NSD1: variants seen among roughly 807,000 people sequenced by gnomAD.
NSD1 encodes histone-lysine N-methyltransferase, H3 lysine-36 specific.
NSD1 carries 26 observed loss-of-function variants against 242.7 expected under a neutral mutation model. That is an observed-to-expected ratio of 0.11 (90% CI 0.08 to 0.15). The LOEUF (loss-of-function observed/expected upper bound fraction) is 0.15, where lower values mean the gene tolerates loss of function less well. Among genes scored for constraint, NSD1 ranks in the 10% least tolerant of loss-of-function variants. NSD1 has a pLI of 1.00. For synonymous variants in NSD1, 1,106 were observed against 1,178.1 expected (o/e 0.94, Z 1.25); for missense variants, 2,495 against 3,272.8 (o/e 0.76, Z 5.80).
In NSD1 at chr5:177,269,903, T is replaced by G. The variant is rs1211851437; in HGVS notation, c.5509+96T>G. 48 of 1,093,226 alleles carry G rather than the reference T, an allele frequency of 4.4e-5. No homozygotes were observed. Among genetic ancestry groups the G allele is most frequent in the Non-Finnish European group, 6.2e-5 (47 of 754,978 alleles). 67.7% of individuals were successfully genotyped at this position (1,093,226 alleles called of 1,614,324 possible). On this transcript the variant is annotated intron_variant, in intron 16 of 22. Transcript: ENST00000439151. This position sits in a 1 kb window ranked among gnomAD's most constrained non-coding sequence, Gnocchi z 5.1. The stretch of plus-strand genomic sequence containing the variant: ...ATTCACATATGCTCCATTTTGAAAC[T>G]GCCTTTGTCCTCTCAGGGCATTATC...
chr5:177,270,271 A>C (rs1757846369), intron 16 of NSD1, among the ~76,000 whole-genome samples: 1 of 152,234 alleles, frequency 6.6e-6, no homozygotes. Context: ...TCTGAATCAA[A>C]ATAAAGTTTT....
chr5:177,285,334 C>A (rs761911552), intron 20 of NSD1, among the ~76,000 whole-genome samples: 1 of 151,888 alleles, frequency 6.6e-6, no homozygotes, highest in Non-Finnish European at 1.5e-5. Flanking sequence ...GAGGCCAACA[C>A]GGGCAGATCA....
chr5:177,135,437 GT>G lies in NSD1; in HGVS notation c.337del (p.Cys113AlafsTer4), dbSNP rs1393338354. 1 of 1,614,146 alleles carries G rather than the reference GT, an allele frequency of 6.2e-7. No homozygotes were observed. The highest frequency in any genetic ancestry group is 1.3e-5 in the African/African-American group (1 of 75,034). ...TGATTCAAGAGCTCAGACGCCAATT[GT>G]TTGCACTTCCTTGAGTCCTGGTGGT... The part of the protein sequence containing the change: ...KSDSRAQTPI[V>X]CTSLSPGGPT... On this transcript the variant is annotated frameshift_variant, in exon 2 of 23. Coordinates refer to ENST00000439151, the MANE Select transcript of NSD1 (RefSeq NM_022455.5). LOFTEE classifies it high-confidence loss of function.
Position 177,245,400 on chromosome 5 carries a change from T to C in NSD1, c.4378+1130T>C, listed in dbSNP as rs564619104. 3.3e-5 allele frequency among the ~76,000 whole-genome samples: 5 copies of C among 152,286 alleles called. No homozygotes were observed. In the South Asian group the frequency reaches 1.0e-3, roughly 32 times the overall value. On this transcript the variant is annotated intron_variant, in intron 9 of 22. Coordinates refer to ENST00000439151, the MANE Select transcript of NSD1 (RefSeq NM_022455.5). ...TTTCTATTGTGCTCATATTAACTCT[T>C]CTTTTAGTGTTAGGCTGCGAGCAGT...
chr5:177,201,068 G>A (rs1450701682), intron 3 of NSD1, among the ~76,000 whole-genome samples: 1 of 151,814 alleles, frequency 6.6e-6, no homozygotes, highest in Admixed American at 6.6e-5. Context: ...TGTATTTTTA[G>A]TAGAGACTGG....
intron 12 of NSD1, among the ~76,000 whole-genome samples, chr5:177,252,989 T>A (rs535665389): frequency 6.6e-6 from 1 of 152,126 alleles, no homozygotes; most frequent in Non-Finnish European, 1.5e-5. Context: ...TATGCTCTTA[T>A]AACGAGTTAC....
chr5:177,167,094 A>C lies in NSD1; in HGVS notation c.928-24790A>C, dbSNP rs1759267641. On this transcript the variant is annotated intron_variant, in intron 2 of 22. Transcript: ENST00000439151. ...TATATATTGAATGAGGCATAAGCCA[A>C]AGTTTATTAGGTGATCCAGTTTTCT... 2.6e-5 allele frequency among the ~76,000 whole-genome samples: 4 copies of C among 152,234 alleles called. No homozygotes were observed. The South Asian group carries it at 8.3e-4, about 32-fold the overall frequency.
intron 8 of NSD1, 88 bp downstream of exon 8, chr5:177,239,953 G>T: frequency 1.3e-6 from 1 of 769,488 alleles, no homozygotes; most frequent in East Asian, 2.7e-5. Flanking sequence ...TTATAACATT[G>T]ATGTACATAC....
chr5:177,283,244 G>T (rs1029367508), intron 19 of NSD1, among the ~76,000 whole-genome samples: 2 of 152,166 alleles, frequency 1.3e-5, no homozygotes, highest in Non-Finnish European at 2.9e-5. Context: ...ATGAGCCACC[G>T]CACCTGGCCT....
chr5:177,235,785 T>C (rs764086496), intron 5 of NSD1, 36 bp from the exon 6 acceptor site: 4 of 1,613,722 alleles, frequency 2.5e-6, no homozygotes, highest in Non-Finnish European at 3.4e-6. Context: ...TCCTGAAGCT[T>C]TTTGATTAAT....
chr5:177,205,440 T>G (rs948438715), intron 4 of NSD1, among the ~76,000 whole-genome samples: 1 of 152,014 alleles, frequency 6.6e-6, no homozygotes, highest in African/African-American at 2.4e-5. Context: ...TGGCTTTTTT[T>G]CTTTTGCTTG....
chr5:177,209,453 C>T (rs1418851734), intron 4 of NSD1, among the ~76,000 whole-genome samples, 183 bp from the exon 5 acceptor site: 2 of 149,474 alleles, frequency 1.3e-5, no homozygotes, highest in African/African-American at 2.5e-5. Context: ...CACTTGAACC[C>T]GGGAGGCAGA....
At chr5:177,212,331 A>T in intron 5 of NSD1, 136 bp downstream of exon 5, 1 of 872,186 alleles carries the variant, frequency 1.1e-6, no homozygotes, top group Non-Finnish European at 1.8e-6. Flanking sequence ...TCAATGAAGA[A>T]GGAGTTTTAT....
At chr5:177,132,292 T>C (rs1459079436), upstream of NSD1, among the ~76,000 whole-genome samples, 1 of 151,518 alleles carries the variant, frequency 6.6e-6, no homozygotes, top group Non-Finnish European at 1.5e-5. This position sits in a 1 kb window ranked among gnomAD's most constrained non-coding sequence, Gnocchi z 7.5. Flanking sequence ...TGGGCGGCGG[T>C]GGCACGAGAG....
chr5:177,260,314 C>T, intron 14 of NSD1, 146 bp downstream of exon 14: 1 of 736,158 alleles, frequency 1.4e-6, no homozygotes, highest in Non-Finnish European at 2.3e-6. Context: ...AAATGATGTC[C>T]CGAATTAATG....
intron 5 of NSD1, among the ~76,000 whole-genome samples, chr5:177,223,442 A>T (rs1764396863): frequency 6.6e-6 from 1 of 151,900 alleles, no homozygotes; most frequent in Non-Finnish European, 1.5e-5. Flanking sequence ...ATGTGGTAGC[A>T]GATGCCTGTA....
intron 17 of NSD1, among the ~76,000 whole-genome samples, chr5:177,277,179 G>A (rs967135052): frequency 1.3e-5 from 2 of 151,306 alleles, no homozygotes; most frequent in Non-Finnish European, 2.9e-5. Context: ...TCTAGAGCAG[G>A]CATTGGCAAA....
rs2127284844 is a variant in NSD1, at chr5:177,295,273, G to A, written c.7905G>A (p.Gly2635=). 6.2e-7 allele frequency: 1 copy of A among 1,614,236 alleles called. No homozygotes were observed. Among genetic ancestry groups the A allele is most frequent in the Non-Finnish European group, 8.5e-7 (1 of 1,180,046 alleles). ...WALGKASSRA[G]LWPIVAGQTL... is the part of the protein sequence containing the mutation. ...TGGGAAAAGCCTCATCACGGGCAGG[G>A]CTCTGGCCCATAGTGGCTGGACAGA... Residue 2635 remains glycine, a synonymous_variant, in exon 23 of 23, where the codon GGG becomes GGA. Coordinates refer to ENST00000439151, the MANE Select transcript of NSD1 (RefSeq NM_022455.5). This position sits in a 1 kb window ranked among gnomAD's most constrained non-coding sequence, Gnocchi z 4.3.
Position 177,210,108 on chromosome 5 carries a change from T to C in NSD1, c.1709T>C (p.Phe570Ser), listed in dbSNP as rs1763214297. 3 of 1,613,602 alleles carry C rather than the reference T, an allele frequency of 1.9e-6. No individual in the cohort carries two copies. Among genetic ancestry groups the C allele is most frequent in the Non-Finnish European group, 2.5e-6 (3 of 1,179,854 alleles). ...GSNTAPGSFLFSSCGKNTAKK... is the reference protein window; with the variant it reads ...GSNTAPGSFLSSSCGKNTAKK... ...AACACTGCCCCAGGAAGTTTTCTGT[T>C]TTCTTCCTGTGGAAAAAACACTGCA... Residue 570 changes from phenylalanine (F) to serine (S), a missense_variant, in exon 5 of 23, where the codon TTT becomes TCT. Coordinates refer to ENST00000439151, the MANE Select transcript of NSD1 (RefSeq NM_022455.5).
Sources: gnomAD v4.1 joint callset for allele counts (sites outside exome capture counted in the v4.1 genomes callset) on GRCh38, gnomAD v4.1.1 for gene constraint, Gnocchi (gnomAD v3.1) non-coding constraint, MANE v1.5 for transcripts, NCBI Gene and HGNC (gene_info 2026-07-23, HGNC 2026-07-21) for gene names.